Variants in ZNF568 observed in about 807,000 individuals in gnomAD.
ZNF568 encodes the protein zinc finger protein 568, also known as p53 inhibitor of SCO2 activation.
ZNF568 carries 11 observed loss-of-function variants against 18.1 expected under a neutral mutation model. The observed-to-expected ratio is 0.61, with a 90% confidence interval of 0.38 to 1.00. ZNF568 has a LOEUF of 1.00. ZNF568 is among the 50% of genes least tolerant of loss of function. The pLI, the probability that ZNF568 is intolerant of heterozygous loss-of-function variation, is 0.01. For missense variants in ZNF568, 639 were observed against 768.2 expected, an observed-to-expected ratio of 0.83 and a Z score of 1.99; for synonymous variants, 213 against 246.6, an observed-to-expected ratio of 0.86 and a Z score of 1.28.
chr19:36,936,473 TTCAACA>T (rs2073792331), intron 4 of ZNF568, among the ~76,000 whole-genome samples: 1 of 152,204 alleles, frequency 6.6e-6, no homozygotes, highest in African/African-American at 2.4e-5. Flanking sequence ...ATCTCTGGTT[TTCAACA>T]TTTTTGCTAT....
intron 6 of ZNF568, among the ~76,000 whole-genome samples, chr19:36,938,327 C>T (rs1221711977): frequency 6.6e-6 from 1 of 152,064 alleles, no homozygotes; most frequent in African/African-American, 2.4e-5. Flanking sequence ...CTAGAAAACA[C>T]AAGCAAACCA....
chr19:36,927,860 G>GTGTA (rs1364337024), intron 4 of ZNF568, among the ~76,000 whole-genome samples: 23 of 32,114 alleles, frequency 7.2e-4, no homozygotes, highest in Non-Finnish European at 5.9e-4. Context: ...GTGTGTGTGT[G>GTGTA]TATATATATA....
chr19:36,929,872 A>G (rs1294554525), intron 4 of ZNF568, among the ~76,000 whole-genome samples: 1 of 149,284 alleles, frequency 6.7e-6, no homozygotes. Context: ...AGTGAAGGAG[A>G]GGAAGGTGCT....
chr19:36,925,681 G>GA (rs11300268), intron 4 of ZNF568, among the ~76,000 whole-genome samples: 1,979 of 150,434 alleles, frequency 0.013, 44 homozygotes, highest in African/African-American at 0.045. Context: ...AAAAATACTT[G>GA]AAAAAAAAAT....
chr19:36,969,124 G>A (rs1335070016), intron 6 of ZNF568, among the ~76,000 whole-genome samples: 1 of 152,068 alleles, frequency 6.6e-6, no homozygotes, highest in Admixed American at 6.5e-5. Context: ...CAAAGTGCTG[G>A]GATTACAGGT....
chr19:36,968,959 G>C (rs948386224), intron 6 of ZNF568, among the ~76,000 whole-genome samples: 1 of 151,760 alleles, frequency 6.6e-6, no homozygotes, highest in African/African-American at 2.4e-5. Flanking sequence ...AGGTTCAAGC[G>C]ATTCTCCTGC....
chr19:36,997,518 TGA>T, downstream of ZNF568: 1 of 1,588,744 alleles, frequency 6.3e-7, no homozygotes, highest in South Asian at 1.1e-5. Context: ...TCACACATCA[TGA>T]GAGAAGTCAC....
At chr19:36,961,657 A>G (rs1367785818) in intron 6 of ZNF568, among the ~76,000 whole-genome samples, 4 of 151,954 alleles carry the variant, frequency 2.6e-5, no homozygotes, top group African/African-American at 9.7e-5. Flanking sequence ...CTGAGTAGTT[A>G]GGATTACAGG....
chr19:36,997,674 C>T, downstream of ZNF568: 7 of 1,068,650 alleles, frequency 6.6e-6, no homozygotes, highest in Non-Finnish European at 9.7e-6. Context: ...GGGCCTCACA[C>T]CTTAGTCAAC....
chr19:36,974,356 T>G, intron 6 of ZNF568: 3 of 1,476,124 alleles, frequency 2.0e-6, no homozygotes, highest in Non-Finnish European at 2.7e-6. Flanking sequence ...GAGTTTGGCC[T>G]CCCAAGGGGT....
At chr19:36,965,174 A>C (rs2146326346) in intron 6 of ZNF568, among the ~76,000 whole-genome samples, 1 of 152,312 alleles carries the variant, frequency 6.6e-6, no homozygotes, top group East Asian at 1.9e-4. Context: ...AACAGTATTA[A>C]GAGGTGGAAC....
At chr19:36,928,777 G>A (rs909176094) in intron 4 of ZNF568, among the ~76,000 whole-genome samples, 12 of 151,788 alleles carry the variant, frequency 7.9e-5, no homozygotes, top group Admixed American at 6.6e-4. Context: ...AAAAAAACCC[G>A]AAAGAAAAAA....
At chr19:36,966,500 G>A (rs7254717) in intron 6 of ZNF568, among the ~76,000 whole-genome samples, 2,592 of 152,288 alleles carry the variant, frequency 0.017, 33 homozygotes, top group African/African-American at 0.036. Flanking sequence ...ATAAAAAAGT[G>A]TGTAGAAACT....
chr19:36,949,764 G>A lies in ZNF568; in HGVS notation c.611G>A (p.Ser204Asn), dbSNP rs764164529. Residue 204 changes from serine to asparagine, a missense_variant, in exon 7 of 7, where the codon AGT (serine) becomes AAT (asparagine). Physicochemically the swap from Ser to Asn is conservative, Grantham distance 46. Coordinates refer to ENST00000333987, the MANE Select transcript of ZNF568 (RefSeq NM_198539.4). Reference sequence around the variant, plus strand: ...AAAGGCTGTGTAAGAGAGAAACAGAGTAATGAGTTTGGGAAACCATTTTAC... The same window carrying A: ...AAAGGCTGTGTAAGAGAGAAACAGAATAATGAGTTTGGGAAACCATTTTAC... Reference protein sequence around the residue: ...YEKGCVREKQSNEFGKPFYHC... With the variant: ...YEKGCVREKQNNEFGKPFYHC... 9 of 1,613,958 alleles carry A rather than the reference G, an allele frequency of 5.6e-6. No individual in the cohort carries two copies. The highest frequency in any genetic ancestry group is 1.3e-5 in the African/African-American group (1 of 75,038).
chr19:36,922,720 G>T lies in ZNF568; in HGVS notation c.-51G>T. 1 of 1,542,242 alleles carries T rather than the reference G, an allele frequency of 6.5e-7. No individual in the cohort carries two copies. The highest frequency in any genetic ancestry group is 9.0e-7 in the Non-Finnish European group (1 of 1,117,284). On this transcript the variant is annotated 5_prime_UTR_variant, in exon 3 of 7. Coordinates refer to ENST00000333987, the MANE Select transcript of ZNF568 (RefSeq NM_198539.4). ...GAGTCCTGAAAGAGAGTGGACCCTG[G>T]AGTTGCTGGAGCTTGTCTTGACCCT... is the stretch of plus-strand genomic sequence containing the variant.
rs1361898929 is a variant in ZNF568 at position 36,952,621 on chromosome 19, ATTGAAT to A, written c.*1538_*1543del. On this transcript the variant is annotated 3_prime_UTR_variant, in exon 7 of 7. Coordinates refer to ENST00000333987, the MANE Select transcript of ZNF568 (RefSeq NM_198539.4). ...ATTATTGATAGCATTGTCTCTGGAG[ATTGAAT>A]TTGAGGCTGTTGATTAAAAGGAGAC... is the stretch of plus-strand genomic sequence containing the variant. 4 of 190,676 alleles carry A rather than the reference ATTGAAT, an allele frequency of 2.1e-5. No individual in the cohort carries two copies. The highest frequency in any genetic ancestry group is 3.9e-5 in the Non-Finnish European group (4 of 103,380). 11.8% of individuals were successfully genotyped at this position (190,676 alleles called of 1,614,324 possible).
chr19:36,969,781 A>ATTTTTT (rs200089198), intron 6 of ZNF568, among the ~76,000 whole-genome samples: 2 of 77,116 alleles, frequency 2.6e-5, no homozygotes, highest in African/African-American at 5.3e-5. Context: ...CCATCTCAAG[A>ATTTTTT]TTTTTTTTTT....
intron 6 of ZNF568, chr19:36,973,231 T>A (rs2074251511): frequency 6.5e-6 from 1 of 152,688 alleles, no homozygotes; most frequent in African/African-American, 2.4e-5. Context: ...AGCAAAGGGC[T>A]GGAACGTCCC....
At chr19:36,948,065 A>G (rs982628981) in intron 6 of ZNF568, among the ~76,000 whole-genome samples, 2 of 152,204 alleles carry the variant, frequency 1.3e-5, no homozygotes, top group Admixed American at 6.5e-5. Flanking sequence ...TGGTAAATGT[A>G]TAATGACTCA....
Sources: gnomAD v4.1 joint callset for allele counts (sites outside exome capture counted in the v4.1 genomes callset) on GRCh38, gnomAD v4.1.1 for gene constraint, MANE v1.5 for transcripts, NCBI Gene and HGNC (gene_info 2026-07-23, HGNC 2026-07-21) for gene names.